Variants in GPC5 observed in about 807,000 individuals in gnomAD.
GPC5 encodes the protein glypican 5.
A neutral mutation model predicts 53.9 loss-of-function variants in GPC5; 47 were observed. The ratio of observed to expected loss-of-function variants is 0.87; its 90% CI spans 0.69 to 1.11. The LOEUF is 1.11. GPC5 is among the 50% of genes most tolerant of loss of function. GPC5 has a pLI of 0.00. For synonymous variants in GPC5, 286 were observed against 263.3 expected, an observed-to-expected ratio of 1.09 and a Z score of -0.84; for missense variants, 748 against 713.1, an observed-to-expected ratio of 1.05 and a Z score of -0.56.
intron 7 of GPC5, among the ~76,000 whole-genome samples, chr13:92,674,060 C>A (rs1297246597): frequency 6.6e-6 from 1 of 152,118 alleles, no homozygotes; most frequent in Admixed American, 6.5e-5. Context: ...AAGCAAATGG[C>A]AAATATTGAA....
chr13:91,949,744 G>A (rs1414009784), intron 6 of GPC5, among the ~76,000 whole-genome samples: 3 of 151,996 alleles, frequency 2.0e-5, no homozygotes, highest in Non-Finnish European at 4.4e-5. Flanking sequence ...AAAAATCAGA[G>A]GTCAACCTAA....
At chr13:92,158,742 C>A (rs772506097) in intron 7 of GPC5, among the ~76,000 whole-genome samples, 8 of 152,160 alleles carry the variant, frequency 5.3e-5, no homozygotes, top group Admixed American at 2.6e-4. Context: ...CATCTCTACA[C>A]TCTTGGTGAA....
chr13:92,328,152 T>TC (rs2043264771), intron 7 of GPC5, among the ~76,000 whole-genome samples: 1 of 152,194 alleles, frequency 6.6e-6, no homozygotes, highest in African/African-American at 2.4e-5. Context: ...TAGGACTTTT[T>TC]CACTTTGTAC....
intron 5 of GPC5, among the ~76,000 whole-genome samples, chr13:91,854,295 A>G (rs1301709859): frequency 6.6e-6 from 1 of 151,862 alleles, no homozygotes; most frequent in Non-Finnish European, 1.5e-5. Context: ...TTTATGGGGT[A>G]TAGGAGATAT....
intron 7 of GPC5, among the ~76,000 whole-genome samples, chr13:92,577,535 A>G (rs1883229223): frequency 6.6e-6 from 1 of 152,010 alleles, no homozygotes; most frequent in Non-Finnish European, 1.5e-5. Context: ...TAACTAAACC[A>G]AGATTCAAAC....
chr13:92,267,691 C>T (rs74553161), intron 7 of GPC5, among the ~76,000 whole-genome samples: 408 of 148,372 alleles, frequency 2.7e-3, no homozygotes, highest in Non-Finnish European at 5.3e-3. Flanking sequence ...AAACTGCATT[C>T]TGTGAACTGG....
chr13:92,143,096 T>A (rs1459414325), intron 6 of GPC5, among the ~76,000 whole-genome samples: 1 of 152,156 alleles, frequency 6.6e-6, no homozygotes, highest in Non-Finnish European at 1.5e-5. Context: ...ATATGAGCAA[T>A]GGTCCAGGTG....
chr13:91,645,461 CT>C (rs1229447310), intron 2 of GPC5, among the ~76,000 whole-genome samples: 7 of 152,100 alleles, frequency 4.6e-5, no homozygotes, highest in Admixed American at 1.3e-4. Context: ...AGTTAATCTC[CT>C]CAGTATAGAT....
chr13:91,900,555 T>G (rs1216079079), intron 5 of GPC5, among the ~76,000 whole-genome samples: 3 of 152,122 alleles, frequency 2.0e-5, no homozygotes, highest in Non-Finnish European at 2.9e-5. Context: ...ACAGTCACTT[T>G]GAATCAAATT....
At chr13:91,974,274 T>C (rs1318253633) in intron 6 of GPC5, among the ~76,000 whole-genome samples, 3 of 152,136 alleles carry the variant, frequency 2.0e-5, no homozygotes, top group African/African-American at 7.2e-5. Context: ...GCCAGGGCAA[T>C]TAGGCAGGAG....
At chr13:92,592,296 G>A (rs142439175) in intron 7 of GPC5, among the ~76,000 whole-genome samples, 2,355 of 152,262 alleles carry the variant, frequency 0.015, 75 homozygotes, top group African/African-American at 0.054. Context: ...TGGTGAAGGA[G>A]ACCAAGAAGA....
At chr13:91,877,728 G>A (rs187619993) in intron 5 of GPC5, among the ~76,000 whole-genome samples, 158 of 152,292 alleles carry the variant, frequency 1.0e-3, no homozygotes, top group Non-Finnish European at 2.0e-3. Context: ...GGAACAGTTT[G>A]TAAAGGCATA....
At chr13:91,682,576 C>T (rs998134033) in intron 2 of GPC5, among the ~76,000 whole-genome samples, 2 of 152,128 alleles carry the variant, frequency 1.3e-5, no homozygotes, top group African/African-American at 4.8e-5. Flanking sequence ...TGTACAGAGG[C>T]CCCTCATGGG....
chr13:91,777,636 T>C (rs1178762284), intron 5 of GPC5, among the ~76,000 whole-genome samples: 1 of 152,224 alleles, frequency 6.6e-6, no homozygotes, highest in African/African-American at 2.4e-5. Context: ...ACAAAATTTA[T>C]TGTATTTTAA....
At chr13:92,552,962 T>C (rs1882368670) in intron 7 of GPC5, among the ~76,000 whole-genome samples, 1 of 151,966 alleles carries the variant, frequency 6.6e-6, no homozygotes, top group Non-Finnish European at 1.5e-5. Context: ...GAACTAATTA[T>C]ATTCTGAAGG....
rs182334606 is a variant in GPC5 at position 92,463,563 on chromosome 13, T to C, written c.1561+318574T>C. The stretch of plus-strand genomic sequence containing the variant: ...TCTTTAGGATAAAGCTGCTGTGATC[T>C]TTAAACTATTTTTGCATGTTAAATG... On this transcript the variant is annotated intron_variant, in intron 7 of 7. Transcript: ENST00000377067. 1.7e-4 allele frequency among the ~76,000 whole-genome samples: 26 copies of C among 152,000 alleles called. 1 individual carries two copies. Among genetic ancestry groups the C allele is most frequent in the Admixed American group, 1.4e-3 (22 of 15,222 alleles).
chr13:92,090,599 A>C (rs1037915260), intron 6 of GPC5, among the ~76,000 whole-genome samples: 6 of 152,106 alleles, frequency 3.9e-5, no homozygotes, highest in African/African-American at 1.4e-4. Context: ...CCAATTTATG[A>C]TATTTTGTTA....
chr13:91,404,000 T>C (rs899953788), intron 1 of GPC5, among the ~76,000 whole-genome samples: 16 of 152,196 alleles, frequency 1.1e-4, no homozygotes, highest in African/African-American at 3.9e-4. Flanking sequence ...ATCCTATAGT[T>C]GTAAAATTGG....
chr13:91,578,099 G>A (rs766098920), intron 2 of GPC5, among the ~76,000 whole-genome samples: 3 of 152,192 alleles, frequency 2.0e-5, no homozygotes, highest in Non-Finnish European at 4.4e-5. Flanking sequence ...GACATGAAGG[G>A]TTCATGTATC....
Sources: allele counts gnomAD v4.1 joint callset (sites outside exome capture counted in the v4.1 genomes callset), GRCh38; gene constraint gnomAD v4.1.1; transcripts MANE v1.5; gene names NCBI Gene and HGNC (gene_info 2026-07-23, HGNC 2026-07-21).